ACSS1: variants seen among roughly 807,000 people sequenced by gnomAD.
ACSS1 encodes acyl-CoA synthetase short chain family member 1.
Under a neutral mutation model 75.3 loss-of-function variants are expected in ACSS1, and 42 were observed. The ratio of observed to expected loss-of-function variants is 0.56; its 90% CI spans 0.44 to 0.72. The LOEUF (loss-of-function observed/expected upper bound fraction) is 0.72. Ranked by LOEUF, ACSS1 falls within the 30% of genes least tolerant of loss-of-function variation. The pLI is 0.00. For missense variants in ACSS1, 782 were observed against 935.7 expected (o/e 0.84, Z 2.14); for synonymous variants, 380 against 376.8 (o/e 1.01, Z -0.10).
At chr20:25,046,898 T>G (rs1203189388) in intron 2 of ACSS1, 1 of 779,598 alleles carries the variant, frequency 1.3e-6, no homozygotes, top group Non-Finnish European at 2.4e-6. Context: ...GCGTGCTGTA[T>G]AGGCTGTGAG....
intron 1 of ACSS1, among the ~76,000 whole-genome samples, chr20:25,051,680 G>T (rs1408841257): frequency 6.6e-6 from 1 of 152,152 alleles, no homozygotes; most frequent in Non-Finnish European, 1.5e-5. Context: ...ATTTCCAATG[G>T]TTTTCTTTTT....
intron 2 of ACSS1, among the ~76,000 whole-genome samples, chr20:25,033,681 T>G (rs1395989963): frequency 6.6e-6 from 1 of 152,192 alleles, no homozygotes; most frequent in Non-Finnish European, 1.5e-5. Flanking sequence ...GAGAGTGTCC[T>G]CCAGGAGCAC....
In ACSS1 at chr20:25,023,508, G is replaced by T. The variant is rs754046822; in HGVS notation, c.765C>A (p.Asp255Glu). ...CCAGATCCCCCATGTGGACCTTGTT[G>T]TCTGTCCTGTGAGCCACCAGGACAT... ...VQHVLVAHRT[D>E]NKVHMGDLDV... Residue 255 changes from aspartate to glutamate, a missense_variant, in exon 4 of 14, where the codon GAC becomes GAA. Asp to Glu is a conservative substitution (Grantham distance 45). Around this residue, in one of 2 missense-constraint regions of ACSS1, gnomAD observed 377 missense variants for 383.1 expected, o/e 0.98. Coordinates refer to ENST00000323482, the MANE Select transcript of ACSS1 (RefSeq NM_032501.4). 9.9e-6 allele frequency: 16 copies of T among 1,614,120 alleles called. No homozygotes were observed. The highest frequency in any genetic ancestry group is 1.4e-5 in the Non-Finnish European group (16 of 1,180,032).
chr20:25,028,924 G>GA (rs886250124), intron 3 of ACSS1, among the ~76,000 whole-genome samples: 7 of 141,320 alleles, frequency 5.0e-5, no homozygotes, highest in African/African-American at 7.8e-5. Context: ...ATCTCAAAAA[G>GA]AAAAAAAAAA....
chr20:25,056,694 A>T (rs1600357356), intron 1 of ACSS1, among the ~76,000 whole-genome samples: 1 of 152,136 alleles, frequency 6.6e-6, no homozygotes, highest in East Asian at 1.9e-4. Flanking sequence ...CAACTGAGGG[A>T]GGAGTTGGAG....
chr20:25,023,655 C>T lies in ACSS1; in HGVS notation c.632-14G>A. 6.3e-7 allele frequency: 1 copy of T among 1,584,628 alleles called. No homozygotes were observed. The highest frequency in any genetic ancestry group is 8.6e-7 in the Non-Finnish European group (1 of 1,164,410). On this transcript the variant is annotated splice_polypyrimidine_tract_variant and intron_variant, in intron 3 of 13. Coordinates refer to ENST00000323482, the MANE Select transcript of ACSS1 (RefSeq NM_032501.4). Reference sequence around the variant, plus strand: ...CCTTGCACTTGGCTAACAGAGACAACACAGACATTTCTGATCAGTCTCCTC... The same window carrying T: ...CCTTGCACTTGGCTAACAGAGACAATACAGACATTTCTGATCAGTCTCCTC...
intron 2 of ACSS1, among the ~76,000 whole-genome samples, chr20:25,044,819 C>G (rs569217086): frequency 7.2e-5 from 11 of 152,304 alleles, no homozygotes; most frequent in Admixed American, 5.2e-4. Flanking sequence ...TCAGCTGGCT[C>G]CGGGCAGAGG....
chr20:25,045,528 C>G (rs8118803), intron 2 of ACSS1, among the ~76,000 whole-genome samples: 3 of 152,154 alleles, frequency 2.0e-5, no homozygotes, highest in African/African-American at 7.2e-5. Flanking sequence ...TCGGCACCAG[C>G]GTCCCAACCT....
intron 2 of ACSS1, chr20:25,032,330 T>A: frequency 7.6e-7 from 1 of 1,309,462 alleles, no homozygotes; most frequent in South Asian, 2.3e-5. Flanking sequence ...CATACTCAAC[T>A]CCGGGAAAAC....
intron 12 of ACSS1, 104 bp from the exon 13 acceptor site, chr20:25,009,492 G>T: frequency 6.8e-6 from 6 of 880,748 alleles, no homozygotes; most frequent in Non-Finnish European, 9.2e-6. Context: ...AAGGGCTTTT[G>T]AATCCTATGT....
intron 4 of ACSS1, 47 bp downstream of exon 4, chr20:25,023,419 A>G (rs750520629): frequency 1.9e-6 from 3 of 1,610,182 alleles, no homozygotes; most frequent in Non-Finnish European, 2.5e-6. Flanking sequence ...AGAGCCAGCT[A>G]ACTTGATATG....
intron 2 of ACSS1, among the ~76,000 whole-genome samples, chr20:25,039,835 C>G (rs949189924): frequency 3.9e-5 from 6 of 152,266 alleles, no homozygotes; most frequent in Admixed American, 3.3e-4. Flanking sequence ...TGGCCCAAGT[C>G]TTGTCTCTGG....
In ACSS1 at chr20:25,013,995, A is replaced by G. The variant is rs2088470654; in HGVS notation, c.1418T>C (p.Phe473Ser). The G allele has an allele frequency of 6.2e-7, 1 of 1,613,810 alleles. No individual in the cohort carries two copies. ...CATGAGGACGGGGACGATGCCAAAG[A>G]AGGGCCTCATCGCCATGGCAGGGAG... Reference protein sequence around the residue: ...EILPAMAMRPFFGIVPVLMDE... With the variant: ...EILPAMAMRPSFGIVPVLMDE... Residue 473 changes from phenylalanine (F) to serine (S), a missense_variant, in exon 9 of 14, where the codon TTC becomes TCC. Phe to Ser is a radical substitution (Grantham distance 155, BLOSUM62 -2). Coordinates refer to ENST00000323482, the MANE Select transcript of ACSS1 (RefSeq NM_032501.4).
Position 25,006,862 on chromosome 20 carries a change from A to G in ACSS1, c.*900T>C, listed in dbSNP as rs1207220475. The G allele has an allele frequency of 6.5e-7, 1 of 1,535,400 alleles. No homozygotes were observed. Among genetic ancestry groups the G allele is most frequent in the African/African-American group, 1.4e-5 (1 of 73,044 alleles). ...GCCAGGATTTGGCTCTGACCAAGTTAGTGCTCTAACAAGTCACCTGAGTTT... is the reference window on the plus strand; with the variant it reads ...GCCAGGATTTGGCTCTGACCAAGTTGGTGCTCTAACAAGTCACCTGAGTTT... On this transcript the variant is annotated 3_prime_UTR_variant, in exon 14 of 14. Coordinates refer to ENST00000323482, the MANE Select transcript of ACSS1 (RefSeq NM_032501.4).
chr20:25,012,477 A>C, intron 12 of ACSS1, 124 bp downstream of exon 12: 2 of 1,197,032 alleles, frequency 1.7e-6, no homozygotes, highest in Non-Finnish European at 1.2e-6. Flanking sequence ...AGAGAAGAAC[A>C]CTGAGAGCTT....
chr20:25,013,090 A>G (rs2088444235), intron 10 of ACSS1, 151 bp from the exon 11 acceptor site: 2 of 1,223,084 alleles, frequency 1.6e-6, no homozygotes, highest in Non-Finnish European at 2.3e-6. Context: ...TATGTTCTAG[A>G]GCATGGGCAG....
intron 1 of ACSS1, among the ~76,000 whole-genome samples, chr20:25,052,216 AG>A (rs1233698752): frequency 6.6e-6 from 1 of 152,142 alleles, no homozygotes. Context: ...TGGGGAAGAG[AG>A]GGAGGAGGAA....
Position 25,006,980 on chromosome 20 carries a change from G to A in ACSS1, c.*782C>T. On this transcript the variant is annotated 3_prime_UTR_variant, in exon 14 of 14. Coordinates refer to ENST00000323482, the MANE Select transcript of ACSS1 (RefSeq NM_032501.4). ...GGCACAAAAATCTTTCTGGATCACA[G>A]CTTGAAGAAACAGAACATAACTGGA... 6.5e-7 allele frequency: 1 copy of A among 1,534,792 alleles called. No individual in the cohort carries two copies. Among genetic ancestry groups the A allele is most frequent in the East Asian group, 2.4e-5 (1 of 40,890 alleles).
In ACSS1 at chr20:25,007,740, A is replaced by G. The variant is rs1342153913; in HGVS notation, c.*22T>C. The G allele has an allele frequency of 2.5e-6, 4 of 1,611,644 alleles. No individual in the cohort carries two copies. The Admixed American group carries it at 5.0e-5, about 20-fold the overall frequency. ...CAGGGCTTGGGTGCCCGCCCATCCC[A>G]AGAGCCCCACAAGGTGCCAGCTCAC... On this transcript the variant is annotated 3_prime_UTR_variant, in exon 14 of 14. Coordinates refer to ENST00000323482, the MANE Select transcript of ACSS1 (RefSeq NM_032501.4).
Sources: allele counts gnomAD v4.1 joint callset (sites outside exome capture counted in the v4.1 genomes callset), GRCh38; gene constraint gnomAD v4.1.1; regional missense constraint gnomAD v4.1.1; transcripts MANE v1.5; gene names NCBI Gene and HGNC (gene_info 2026-07-23, HGNC 2026-07-21).